Variants in SLC41A2 observed in about 807,000 individuals in gnomAD.
The protein encoded by SLC41A2 is solute carrier family 41 member 2, also known as SLC41A1-like 1.
SLC41A2 carries 32 observed loss-of-function variants against 58.3 expected under a neutral mutation model. The observed-to-expected ratio is 0.55, with a 90% CI of 0.41 to 0.74. SLC41A2 has a LOEUF of 0.74. Ranked by LOEUF, SLC41A2 falls within the 30% of genes least tolerant of loss-of-function variation. The pLI is 0.00. For synonymous variants in SLC41A2, 190 were observed against 235.0 expected (o/e 0.81, Z 1.75); for missense variants, 514 against 680.6 (o/e 0.76, Z 2.72).
At chr12:104,862,475 AC>A (rs1301790407) in intron 7 of SLC41A2, among the ~76,000 whole-genome samples, 2 of 152,168 alleles carry the variant, frequency 1.3e-5, no homozygotes, top group East Asian at 3.8e-4. Flanking sequence ...TGTGGATATA[AC>A]ATAACAATTG....
chr12:104,900,450 T>A (rs908324426), intron 3 of SLC41A2, among the ~76,000 whole-genome samples: 1 of 152,238 alleles, frequency 6.6e-6, no homozygotes, highest in African/African-American at 2.4e-5. Flanking sequence ...ATTATGATGG[T>A]AGTTTTTACA....
intron 10 of SLC41A2, among the ~76,000 whole-genome samples, chr12:104,825,422 TC>T (rs1377719595): frequency 6.6e-6 from 1 of 152,212 alleles, no homozygotes; most frequent in Non-Finnish European, 1.5e-5. Context: ...GCCAAGGAAT[TC>T]AACCCAGTCT....
intron 4 of SLC41A2, among the ~76,000 whole-genome samples, chr12:104,892,495 T>C (rs184342886): frequency 6.1e-4 from 91 of 149,922 alleles, no homozygotes; most frequent in Non-Finnish European, 4.2e-4. Context: ...TTCACAGAAA[T>C]AGAAAAAAAA....
At chr12:104,900,592 G>C (rs188323712) in intron 3 of SLC41A2, among the ~76,000 whole-genome samples, 4 of 152,118 alleles carry the variant, frequency 2.6e-5, no homozygotes, top group African/African-American at 9.7e-5. Flanking sequence ...AACAGTTTTC[G>C]ATTATACATA....
chr12:104,886,918 C>T (rs867963707), intron 5 of SLC41A2, among the ~76,000 whole-genome samples: 13 of 151,854 alleles, frequency 8.6e-5, no homozygotes, highest in South Asian at 8.3e-4. Context: ...TACTTAAAGA[C>T]GTTGAAGTAT....
chr12:104,877,309 A>C (rs2044097873), intron 6 of SLC41A2, among the ~76,000 whole-genome samples: 1 of 152,234 alleles, frequency 6.6e-6, no homozygotes, highest in Non-Finnish European at 1.5e-5. Flanking sequence ...CCTAGTGCGC[A>C]CAGAGCAGAC....
Position 104,866,429 on chromosome 12 carries a change from A to C in SLC41A2, c.1175+3T>G. Reference sequence around the variant, plus strand: ...ACACACACACACATATTTTAATACTAACCTACTTATAACCATAGCTGTTAT... The same window carrying C: ...ACACACACACACATATTTTAATACTCACCTACTTATAACCATAGCTGTTAT... On this transcript the variant is annotated splice_donor_region_variant and intron_variant, in intron 7 of 10. Transcript: ENST00000258538. 6.2e-7 allele frequency: 1 copy of C among 1,609,326 alleles called. No individual in the cohort carries two copies. The highest frequency in any genetic ancestry group is 1.3e-5 in the African/African-American group (1 of 74,188).
chr12:104,884,726 C>T (rs73399960), intron 6 of SLC41A2, among the ~76,000 whole-genome samples: 3,649 of 152,216 alleles, frequency 0.024, 97 homozygotes, highest in East Asian at 0.15. Context: ...TAACTCATGC[C>T]GTTACTGGCT....
At chr12:104,951,950 C>T (rs1332461032) in intron 1 of SLC41A2, among the ~76,000 whole-genome samples, 1 of 151,938 alleles carries the variant, frequency 6.6e-6, no homozygotes, top group African/African-American at 2.4e-5. Flanking sequence ...ATTGGCTGCT[C>T]CTGTGAGCAA....
At chr12:104,902,482 T>G (rs927594941) in intron 3 of SLC41A2, among the ~76,000 whole-genome samples, 4 of 152,116 alleles carry the variant, frequency 2.6e-5, no homozygotes, top group African/African-American at 9.7e-5. Flanking sequence ...TTGAGTGGTA[T>G]CCAAAAGGCA....
intron 5 of SLC41A2, among the ~76,000 whole-genome samples, chr12:104,888,590 A>G (rs1225605296): frequency 6.6e-6 from 1 of 152,174 alleles, no homozygotes; most frequent in African/African-American, 2.4e-5. Context: ...GTATTGCCAC[A>G]GAAACAGGGA....
chr12:104,925,925 A>T (rs1190927928), intron 2 of SLC41A2, among the ~76,000 whole-genome samples: 3 of 152,230 alleles, frequency 2.0e-5, no homozygotes, highest in Non-Finnish European at 4.4e-5. Context: ...AAACAATTAT[A>T]TTTCAAGTGG....
chr12:104,881,930 C>T, intron 6 of SLC41A2, among the ~76,000 whole-genome samples: 1 of 151,984 alleles, frequency 6.6e-6, no homozygotes, highest in Non-Finnish European at 1.5e-5. Flanking sequence ...AAATCTCCCA[C>T]TATTATTGTG....
intron 3 of SLC41A2, among the ~76,000 whole-genome samples, chr12:104,908,853 T>C (rs916019342): frequency 2.0e-5 from 3 of 152,202 alleles, no homozygotes; most frequent in Non-Finnish European, 4.4e-5. Flanking sequence ...TTCTGAATAG[T>C]AATTACAATC....
intron 8 of SLC41A2, among the ~76,000 whole-genome samples, chr12:104,853,910 G>GATTATTATTACTATT (rs1415342230): frequency 3.9e-5 from 2 of 50,780 alleles, no homozygotes; most frequent in Non-Finnish European, 7.7e-5. Flanking sequence ...ATGCCTGGCT[G>GATTATTATTACTATT]ATTTTTTTTT....
chr12:104,878,523 T>C (rs1393503012), intron 6 of SLC41A2, among the ~76,000 whole-genome samples: 1 of 151,266 alleles, frequency 6.6e-6, no homozygotes, highest in African/African-American at 2.4e-5. Flanking sequence ...CCAGGTATTC[T>C]CATTGTTCAA....
intron 6 of SLC41A2, among the ~76,000 whole-genome samples, chr12:104,882,346 T>G (rs1039012701): frequency 6.6e-6 from 1 of 152,218 alleles, no homozygotes; most frequent in East Asian, 1.9e-4. Context: ...ATGTGTGAAT[T>G]TGATCCTGTC....
chr12:104,915,064 T>C (rs1416510509), intron 2 of SLC41A2, among the ~76,000 whole-genome samples: 1 of 152,224 alleles, frequency 6.6e-6, no homozygotes, highest in Non-Finnish European at 1.5e-5. Flanking sequence ...TGCACATGCA[T>C]CACTGCAGAA....
In SLC41A2 at chr12:104,928,176, A is replaced by C. The variant is rs1372039240; in HGVS notation, c.352T>G (p.Cys118Gly). The C allele has an allele frequency of 3.1e-6, 5 of 1,614,028 alleles. No individual in the cohort carries two copies. Among genetic ancestry groups the C allele is most frequent in the Non-Finnish European group, 4.2e-6 (5 of 1,180,028 alleles). Residue 118 changes from cysteine (C) to glycine (G), a missense_variant, in exon 2 of 11, where the codon TGT (cysteine) becomes GGT (glycine). By Grantham distance (159) the Cys-to-Gly change is radical. This residue lies in a region of SLC41A2 where 336 missense variants were observed against 430.0 expected (regional missense o/e 0.78). Transcript: ENST00000258538. ...GTTTCTGAAGTCTCCCTTCCATCAC[A>C]GTAATTATAATTGGCATAGTCATCA... ...KYDDYANYNYCDGRETSETTA... is the reference protein window; with the variant it reads ...KYDDYANYNYGDGRETSETTA...
Sources: allele counts gnomAD v4.1 joint callset (sites outside exome capture counted in the v4.1 genomes callset), GRCh38; gene constraint gnomAD v4.1.1; regional missense constraint gnomAD v4.1.1; transcripts MANE v1.5; gene names NCBI Gene and HGNC (gene_info 2026-07-23, HGNC 2026-07-21).